ACACA: variants seen among roughly 807,000 people sequenced by gnomAD.
ACACA encodes acetyl-CoA carboxylase 1.
In ACACA, 103 loss-of-function variants were observed where a neutral mutation model predicts 296.1. That is an observed-to-expected ratio of 0.35 (90% confidence interval 0.30 to 0.41). ACACA has a LOEUF of 0.41. Ranked by LOEUF, ACACA falls within the 10% of genes least tolerant of loss-of-function variation. The probability of loss-of-function intolerance (pLI) is 1.00; values close to 1 mark genes in which losing one functional copy is unlikely to be tolerated. For synonymous variants in ACACA, 953 were observed against 1,038.6 expected, an observed-to-expected ratio of 0.92 and a Z score of 1.58; for missense variants, 1,554 against 2,989.7, an observed-to-expected ratio of 0.52 and a Z score of 11.20.
intron 3 of ACACA, among the ~76,000 whole-genome samples, chr17:37,316,985 A>T (rs2047123999): frequency 6.6e-6 from 1 of 151,730 alleles, no homozygotes; most frequent in South Asian, 2.1e-4. Context: ...ACGTGGGAGG[A>T]TCACTTGAGC....
intron 39 of ACACA, among the ~76,000 whole-genome samples, chr17:37,183,985 TG>T (rs1276884388): frequency 6.6e-6 from 1 of 151,492 alleles, no homozygotes; most frequent in Non-Finnish European, 1.5e-5. Context: ...CCCGAGTAGC[TG>T]GGATTACAGG....
rs1297337320 is a variant in ACACA, at chr17:37,155,129, TTA to T, written c.5447+552_5447+553del. Reference sequence around the variant, plus strand: ...TAATTCCTAAAAGTTTATATGAAACTTATATAAATGTCCCTTAAGTGGGTTCA... The same window carrying T: ...TAATTCCTAAAAGTTTATATGAAACTTATAAATGTCCCTTAAGTGGGTTCA... On this transcript the variant is annotated intron_variant, in intron 43 of 55. Transcript: ENST00000616317. Among the ~76,000 whole-genome samples the T allele has an allele frequency of 1.1e-4, 17 of 152,256 alleles. No individual in the cohort carries two copies. The East Asian group carries it at 3.1e-3, about 28-fold the overall frequency.
At chr17:37,376,297 A>G (rs2049999906) in intron 1 of ACACA, 1 of 641,224 alleles carries the variant, frequency 1.6e-6, no homozygotes, top group Admixed American at 2.6e-5. Context: ...CTCGCCTCTA[A>G]GAAGGACTGC....
intron 3 of ACACA, among the ~76,000 whole-genome samples, chr17:37,288,788 A>C (rs372553741): frequency 1.9e-4 from 29 of 152,066 alleles, no homozygotes; most frequent in African/African-American, 7.0e-4. Flanking sequence ...AGTCCCAGCT[A>C]CTTAGGAGGC....
chr17:37,276,972 A>G, intron 7 of ACACA, 61 bp downstream of exon 7: 1 of 1,478,204 alleles, frequency 6.8e-7, no homozygotes, highest in South Asian at 1.1e-5. Flanking sequence ...CTATAGAGTA[A>G]AATGTGGGCA....
In ACACA at chr17:37,340,571, G is replaced by A. The variant is rs1473427546; in HGVS notation, c.39-721C>T. On this transcript the variant is annotated intron_variant, in intron 1 of 55. Transcript: ENST00000616317. ...GGAAATACACGCTTGAGAACCACTC[G>A]TTAAGGGCAGAGAAGAAACAAAAGG... Among the ~76,000 whole-genome samples, 5 of 152,188 alleles carry A rather than the reference G, an allele frequency of 3.3e-5. No individual in the cohort carries two copies. In the East Asian group the frequency reaches 5.8e-4, roughly 18 times the overall value.
In ACACA at chr17:37,268,741, C is replaced by CTATATATATATA. The variant is rs71368449; in HGVS notation, c.1119+1998_1119+2009dup. Among the ~76,000 whole-genome samples, 89 of 94,494 alleles carry CTATATATATATA rather than the reference C, an allele frequency of 9.4e-4. 1 individual carries two copies. Among genetic ancestry groups the CTATATATATATA allele is most frequent in the Middle Eastern group, 4.5e-3 (1 of 220 alleles). 62.0% of individuals were successfully genotyped at this position (94,494 alleles called of 152,430 possible). A position where few individuals can be genotyped will look rare whatever the true frequency, so the allele number is the denominator to read the frequency against. On this transcript the variant is annotated intron_variant, in intron 10 of 55. Coordinates refer to ENST00000616317, the MANE Select transcript of ACACA (RefSeq NM_198834.3). ...TCTATCTATCTATCTATCTATCTAT[C>CTATATATATATA]TATATATATATATATATATATATAT...
intron 9 of ACACA, among the ~76,000 whole-genome samples, chr17:37,272,575 G>A (rs930902974): frequency 5.3e-5 from 8 of 151,426 alleles, no homozygotes; most frequent in Non-Finnish European, 1.2e-4. Context: ...AAAAAAAAAA[G>A]GGGGTATCCC....
At chr17:37,136,771 T>A (rs1332219742) in intron 45 of ACACA, among the ~76,000 whole-genome samples, 7 of 152,014 alleles carry the variant, frequency 4.6e-5, no homozygotes, top group Non-Finnish European at 8.8e-5. Flanking sequence ...TGAAACCCCA[T>A]CTCTACTAAA....
intron 2 of ACACA, among the ~76,000 whole-genome samples, chr17:37,339,135 G>A (rs966324271): frequency 1.3e-5 from 2 of 152,188 alleles, no homozygotes; most frequent in African/African-American, 4.8e-5. Context: ...AAAAGTAACA[G>A]TAGATCCAAA....
chr17:37,324,571 G>A (rs1267048433), intron 3 of ACACA, among the ~76,000 whole-genome samples: 3 of 151,598 alleles, frequency 2.0e-5, no homozygotes, highest in African/African-American at 7.3e-5. Context: ...TTGGGAGGCT[G>A]AGGCAGGAGA....
intron 54 of ACACA, among the ~76,000 whole-genome samples, chr17:37,093,298 C>G (rs759681482): frequency 6.6e-6 from 1 of 152,174 alleles, no homozygotes. Context: ...ACCATGGCAT[C>G]GGGTTGTGGG....
intron 29 of ACACA, among the ~76,000 whole-genome samples, chr17:37,221,153 A>C (rs2079268822): frequency 6.6e-6 from 1 of 152,244 alleles, no homozygotes; most frequent in Non-Finnish European, 1.5e-5. Context: ...TTTAAAAGAC[A>C]GGAAGGGACA....
rs144881568 is a variant in ACACA at position 37,107,191 on chromosome 17, G to A, written c.6565+4340C>T. ...GGTGAAAGACCACTCACTAAGGCAT[G>A]CGTATCGGAACTTCTTTCTTTCCTA... On this transcript the variant is annotated intron_variant, in intron 52 of 55. Coordinates refer to ENST00000616317, the MANE Select transcript of ACACA (RefSeq NM_198834.3). Among the ~76,000 whole-genome samples the A allele has an allele frequency of 3.0e-3, 450 of 152,322 alleles. 3 individuals carry two copies. In the South Asian group the frequency reaches 0.033, roughly 11 times the overall value.
chr17:37,346,173 C>G (rs755814889), intron 1 of ACACA, among the ~76,000 whole-genome samples: 2 of 152,048 alleles, frequency 1.3e-5, no homozygotes, highest in South Asian at 4.1e-4. Context: ...TATGGTTAGC[C>G]GGGCATGGAG....
At chr17:37,382,326 TC>T (rs1378090874) in intron 1 of ACACA, among the ~76,000 whole-genome samples, 1 of 151,918 alleles carries the variant, frequency 6.6e-6, no homozygotes, top group Non-Finnish European at 1.5e-5. Context: ...TGCCCTCCTT[TC>T]CTTTTCTCAC....
chr17:37,206,728 G>A lies in ACACA; in HGVS notation c.3948+55C>T, dbSNP rs531153412. 3.7e-5 allele frequency: 50 copies of A among 1,364,432 alleles called. No homozygotes were observed. The South Asian group carries it at 5.5e-4, about 15-fold the overall frequency. 84.5% of individuals were successfully genotyped at this position (1,364,432 alleles called of 1,614,324 possible). ...TTCAAAGTCAGAAAGATAGTATACA[G>A]TAGAAGTCCCATGTCTGAGGGGAAC... is the stretch of plus-strand genomic sequence containing the variant. On this transcript the variant is annotated intron_variant, in intron 32 of 55. Coordinates refer to ENST00000616317, the MANE Select transcript of ACACA (RefSeq NM_198834.3).
At chr17:37,185,496 C>T (rs1393260349) in intron 39 of ACACA, among the ~76,000 whole-genome samples, 3 of 149,388 alleles carry the variant, frequency 2.0e-5, no homozygotes, top group Admixed American at 6.7e-5. Context: ...TGTGATCCTC[C>T]CACCTTGGTC....
At chr17:37,213,508 AT>A (rs2078851225) in intron 29 of ACACA, among the ~76,000 whole-genome samples, 1 of 152,206 alleles carries the variant, frequency 6.6e-6, no homozygotes, top group Non-Finnish European at 1.5e-5. Context: ...CATTTGATGA[AT>A]ATTAGAACCA....
Sources: gnomAD v4.1 joint callset for allele counts (sites outside exome capture counted in the v4.1 genomes callset) on GRCh38, gnomAD v4.1.1 for gene constraint, MANE v1.5 for transcripts, NCBI Gene and HGNC (gene_info 2026-07-23, HGNC 2026-07-21) for gene names.